The following CARD14 variants were observed in gnomAD, a reference collection of about 807,000 sequenced individuals.
CARD14 encodes caspase recruitment domain-containing protein 14.
Under a neutral mutation model 111.5 loss-of-function variants are expected in CARD14, and 107 were observed. The observed-to-expected ratio is 0.96, with a 90% confidence interval of 0.82 to 1.13. The LOEUF (loss-of-function observed/expected upper bound fraction) is 1.13, where lower values mean the gene tolerates loss of function less well. Ranked by LOEUF, CARD14 falls within the 50% of genes most tolerant of loss-of-function variation. CARD14 has a pLI of 0.00. For missense variants in CARD14, 1,322 were observed against 1,362.3 expected (o/e 0.97, Z 0.47); for synonymous variants, 617 against 579.6 (o/e 1.06, Z -0.93).
intron 10 of CARD14, 100 bp from the exon 11 acceptor site, chr17:80,191,223 G>T: frequency 1.4e-6 from 2 of 1,418,692 alleles, no homozygotes; most frequent in South Asian, 1.3e-5. Context: ...CCATTTAGTG[G>T]ATGTCAGATG....
chr17:80,205,305 C>G, intron 21 of CARD14, 100 bp downstream of exon 21: 1 of 1,200,716 alleles, frequency 8.3e-7, no homozygotes, highest in Admixed American at 2.1e-5. Context: ...CTCCTTCCCT[C>G]CCCCACCACG....
At position 80,182,893 on chromosome 17, in the gene CARD14, T is replaced by G; in HGVS notation, c.349+103T>G. 5 of 1,363,312 alleles carry G rather than the reference T, an allele frequency of 3.7e-6. No individual in the cohort carries two copies. Among genetic ancestry groups the G allele is most frequent in the East Asian group, 2.3e-5 (1 of 42,642 alleles). 84.5% of individuals were successfully genotyped at this position (1,363,312 alleles called of 1,614,324 possible). The stretch of plus-strand genomic sequence containing the variant: ...ACTTGCCGATTTGCCCTACTCCCCC[T>G]TCCCTCCAGGCTGCAGTTCCTGTCC... On this transcript the variant is annotated intron_variant, in intron 6 of 23. Transcript: ENST00000648509. This position sits in a 1 kb window ranked among gnomAD's most constrained non-coding sequence, Gnocchi z 4.7.
At chr17:80,174,198 AT>A (rs1272221385) in intron 2 of CARD14, among the ~76,000 whole-genome samples, 1 of 152,046 alleles carries the variant, frequency 6.6e-6, no homozygotes, top group Non-Finnish European at 1.5e-5. Context: ...ATAAAATAAA[AT>A]CAGCGTTTTG....
rs756059561 is a variant in CARD14 at position 80,206,962 on chromosome 17, C to T, written c.2692-8C>T. On this transcript the variant is annotated splice_region_variant and splice_polypyrimidine_tract_variant and intron_variant, in intron 22 of 23. Coordinates refer to ENST00000648509, the MANE Select transcript of CARD14 (RefSeq NM_001366385.1). ...TCTTGACTCACTTCTTCTCTCCCTC[C>T]CACAAAGAACACCCATGCCCTCCTG... The T allele has an allele frequency of 1.9e-6, 3 of 1,602,916 alleles. No individual in the cohort carries two copies. Among genetic ancestry groups the T allele is most frequent in the East Asian group, 2.3e-5 (1 of 44,432 alleles).
Position 80,202,311 on chromosome 17 carries a change from C to T in CARD14, c.2110C>T (p.His704Tyr). 3.1e-6 allele frequency: 5 copies of T among 1,613,774 alleles called. No individual in the cohort carries two copies. The highest frequency in any genetic ancestry group is 4.2e-6 in the Non-Finnish European group (5 of 1,180,030). ...ELQVHCNEVLHVTDTMFQGCG... is the reference protein window; with the variant it reads ...ELQVHCNEVLYVTDTMFQGCG... ...GCAGGTGCATTGCAACGAGGTCCTG[C>T]ACGTCACCGACACCATGTTCCAGGG... The change falls in exon 18 of 24, where the codon CAC becomes TAC. Residue 704 changes from histidine (H) to tyrosine (Y), a missense_variant. Coordinates refer to ENST00000648509, the MANE Select transcript of CARD14 (RefSeq NM_001366385.1).
chr17:80,185,006 G>A (rs760770252), intron 7 of CARD14, among the ~76,000 whole-genome samples: 5 of 152,120 alleles, frequency 3.3e-5, no homozygotes, highest in Non-Finnish European at 7.4e-5. Flanking sequence ...CTGAGGATGT[G>A]CACTCCTTGT....
chr17:80,179,807 G>C lies in CARD14; in HGVS notation c.-21+506G>C, dbSNP rs750931972. On this transcript the variant is annotated intron_variant, in intron 4 of 23. Coordinates refer to ENST00000648509, the MANE Select transcript of CARD14 (RefSeq NM_001366385.1). ...CGATCACGCTACTGCGTTCCAGCCT[G>C]GGCAACAGAGTGAGACCCTACCTCA... Among the ~76,000 whole-genome samples the C allele has an allele frequency of 4.6e-5, 7 of 152,262 alleles. No homozygotes were observed. In the South Asian group the frequency reaches 6.2e-4, roughly 14 times the overall value.
chr17:80,201,050 C>T lies in CARD14; in HGVS notation c.1852-694C>T, dbSNP rs2040947526. On this transcript the variant is annotated intron_variant, in intron 16 of 23. Transcript: ENST00000648509. The surrounding 1 kb of genome is among the most constrained non-coding windows in gnomAD (Gnocchi z 5.0). The stretch of plus-strand genomic sequence containing the variant: ...GTATGTGGCCCAGGGGTTGGGGAAC[C>T]CTGCTCTTAAGGTTCCCAATTATCA... 2 of 152,422 alleles carry T rather than the reference C, an allele frequency of 1.3e-5. No homozygotes were observed. The allele number at this position is 152,422 out of a possible 1,614,324, so 9.4% of individuals were successfully genotyped here.
At chr17:80,204,021 A>C (rs961764549) in intron 19 of CARD14, 136 bp downstream of exon 19, 145 of 807,252 alleles carry the variant, frequency 1.8e-4, no homozygotes, top group Non-Finnish European at 2.6e-4. Context: ...TCTCCTCTGC[A>C]CCCCTTCAAA....
Position 80,198,312 on chromosome 17 carries a change from TG to T in CARD14, c.1659-83del. ...GAGGGGGAGGAGAATTCCAGAACACTGGGGCCAGAGGGAAGCAATGGGGAGG... is the reference window on the plus strand; with the variant it reads ...GAGGGGGAGGAGAATTCCAGAACACTGGGCCAGAGGGAAGCAATGGGGAGG... On this transcript the variant is annotated intron_variant, in intron 15 of 23. Transcript: ENST00000648509. The surrounding 1 kb of genome is among the most constrained non-coding windows in gnomAD (Gnocchi z 7.5). The T allele has an allele frequency of 6.4e-7, 1 of 1,566,038 alleles. No individual in the cohort carries two copies.
intron 16 of CARD14, among the ~76,000 whole-genome samples, chr17:80,200,327 C>T (rs915510953): frequency 3.3e-5 from 5 of 151,104 alleles, no homozygotes; most frequent in Non-Finnish European, 3.0e-5. Context: ...ACCTCCACCC[C>T]CTGGGTTCAA....
At chr17:80,185,222 A>C (rs1228446172) in intron 7 of CARD14, among the ~76,000 whole-genome samples, 1 of 151,764 alleles carries the variant, frequency 6.6e-6, no homozygotes, top group Non-Finnish European at 1.5e-5. Flanking sequence ...AATTAAAAAA[A>C]AATTTTTTTT....
rs1389723128 is a variant in CARD14, at chr17:80,195,342, C to T, written c.1499+9C>T. On this transcript the variant is annotated intron_variant, in intron 13 of 23. Coordinates refer to ENST00000648509, the MANE Select transcript of CARD14 (RefSeq NM_001366385.1). This position sits in a 1 kb window ranked among gnomAD's most constrained non-coding sequence, Gnocchi z 4.7. ...GAACCCTGGTCTTTCAGGTAGAGCA[C>T]TGGGGTCCTTCCTGGCACTGGGGTG... is the stretch of plus-strand genomic sequence containing the variant. The T allele has an allele frequency of 6.2e-7, 1 of 1,604,240 alleles. No homozygotes were observed.
rs1385661126 is a variant in CARD14 at position 80,184,202 on chromosome 17, G to A, written c.639G>A (p.Glu213=). 1 of 1,552,626 alleles carries A rather than the reference G, an allele frequency of 6.4e-7. No homozygotes were observed. The highest frequency in any genetic ancestry group is 8.7e-7 in the Non-Finnish European group (1 of 1,147,808). Residue 213 remains glutamate, a synonymous_variant, in exon 7 of 24, where the codon GAG becomes GAA. Coordinates refer to ENST00000648509, the MANE Select transcript of CARD14 (RefSeq NM_001366385.1). The stretch of plus-strand genomic sequence containing the variant: ...ATAGCAATGCGCTGCAGGAGAAGGA[G>A]CTGGCCGCCTCACGCTGCCGCAGCC... The part of the protein sequence containing the change: ...LHYSNALQEK[E]LAASRCRSLQ...
chr17:80,190,969 C>G, intron 10 of CARD14, 70 bp downstream of exon 10: 1 of 1,564,540 alleles, frequency 6.4e-7, no homozygotes, highest in Non-Finnish European at 8.7e-7. Context: ...GTTCCGGGGA[C>G]AGTCTCGTGG....
In CARD14 at chr17:80,189,456, G is replaced by A. The variant is rs573963734; in HGVS notation, c.844-297G>A. Among the ~76,000 whole-genome samples the A allele has an allele frequency of 2.0e-5, 3 of 152,310 alleles. No individual in the cohort carries two copies. The highest frequency in any genetic ancestry group is 3.4e-3 in the Middle Eastern group (1 of 292). ...TGACCTGTCTGCTGGTTTCTCCCTC[G>A]CTGTGAAACTGCCGGTAGATCTGTT... is the stretch of plus-strand genomic sequence containing the variant. On this transcript the variant is annotated intron_variant, in intron 8 of 23. Coordinates refer to ENST00000648509, the MANE Select transcript of CARD14 (RefSeq NM_001366385.1). The surrounding 1 kb of genome is among the most constrained non-coding windows in gnomAD (Gnocchi z 4.7).
chr17:80,198,546 G>C lies in CARD14; in HGVS notation c.1806G>C (p.Ser602=). 1 of 1,613,096 alleles carries C rather than the reference G, an allele frequency of 6.2e-7. No individual in the cohort carries two copies. The highest frequency in any genetic ancestry group is 8.5e-7 in the Non-Finnish European group (1 of 1,179,844). ...TCATCCACCGGGTCACCCCGGGCTC[G>C]GCGGCGGACCAGATGGCCTTGCGCC... ...GIFIHRVTPG[S]AADQMALRPG... The change falls in exon 16 of 24, where the codon TCG becomes TCC. Residue 602 remains serine, a synonymous_variant. Transcript: ENST00000648509. This position sits in a 1 kb window ranked among gnomAD's most constrained non-coding sequence, Gnocchi z 7.5.
Position 80,198,040 on chromosome 17 carries a change from C to T in CARD14, c.1595-59C>T. On this transcript the variant is annotated intron_variant, in intron 14 of 23. Transcript: ENST00000648509. This position sits in a 1 kb window ranked among gnomAD's most constrained non-coding sequence, Gnocchi z 7.5. ...AAGGGGCTGAGGTTACAGGAGGTTA[C>T]AGGACGCCCCATCAGCAGTGGGGTG... 1 of 1,557,458 alleles carries T rather than the reference C, an allele frequency of 6.4e-7. No individual in the cohort carries two copies. The highest frequency in any genetic ancestry group is 1.1e-5 in the South Asian group (1 of 89,668).
Position 80,201,604 on chromosome 17 carries a change from T to G in CARD14, c.1852-140T>G. 1.2e-6 allele frequency: 1 copy of G among 824,262 alleles called. No individual in the cohort carries two copies. Among genetic ancestry groups the G allele is most frequent in the Non-Finnish European group, 2.1e-6 (1 of 487,320 alleles). The allele number at this position is 824,262 out of a possible 1,614,324, so 51.1% of individuals were successfully genotyped here. Reference sequence around the variant, plus strand: ...CCACAGAGGCTCTGGTGTGTGGCTTTGTTTTGACCAAGGCGTGCAGGCAGT... The same window carrying G: ...CCACAGAGGCTCTGGTGTGTGGCTTGGTTTTGACCAAGGCGTGCAGGCAGT... On this transcript the variant is annotated intron_variant, in intron 16 of 23. Coordinates refer to ENST00000648509, the MANE Select transcript of CARD14 (RefSeq NM_001366385.1). The surrounding 1 kb of genome is among the most constrained non-coding windows in gnomAD (Gnocchi z 5.0).
Sources: gnomAD v4.1 joint callset for allele counts (sites outside exome capture counted in the v4.1 genomes callset) on GRCh38, gnomAD v4.1.1 for gene constraint, Gnocchi (gnomAD v3.1) non-coding constraint, MANE v1.5 for transcripts, NCBI Gene and HGNC (gene_info 2026-07-23, HGNC 2026-07-21) for gene names.